The following LUZP1 variants were observed in gnomAD, a reference collection of about 807,000 sequenced individuals.
LUZP1 encodes filamin mechanobinding actin cross-linking protein.
In LUZP1, 25 loss-of-function variants were observed where a neutral mutation model predicts 71.3. The observed-to-expected ratio is 0.35, with a 90% CI of 0.26 to 0.49. LUZP1 has a LOEUF of 0.49. LUZP1 is among the 20% of genes least tolerant of loss of function. The pLI, the probability that LUZP1 is intolerant of heterozygous loss-of-function variation, is 0.99. For synonymous variants in LUZP1, 481 were observed against 506.4 expected (o/e 0.95, Z 0.67); for missense variants, 1,142 against 1,300.8 (o/e 0.88, Z 1.88).
chr1:23,129,904 A>C (rs1029037586), intron 2 of LUZP1, among the ~76,000 whole-genome samples: 1 of 152,220 alleles, frequency 6.6e-6, no homozygotes, highest in Admixed American at 6.5e-5. Flanking sequence ...CTTAGCAGAC[A>C]ATATTATAAA....
chr1:23,132,587 A>G (rs1644223635), intron 2 of LUZP1, among the ~76,000 whole-genome samples: 1 of 152,094 alleles, frequency 6.6e-6, no homozygotes, highest in African/African-American at 2.4e-5. Flanking sequence ...ATAAAGAAAA[A>G]CAATTTTTTA....
chr1:23,084,252 CAG>C (rs1643722941), exon 5 of LUZP1: 2 of 152,180 alleles, frequency 1.3e-5, no homozygotes, highest in South Asian at 4.1e-4. Flanking sequence ...AATGGGTACA[CAG>C]GGCTGCATTC....
chr1:23,156,854 T>C (rs1644424190), intron 2 of LUZP1, among the ~76,000 whole-genome samples: 1 of 152,200 alleles, frequency 6.6e-6, no homozygotes, highest in African/African-American at 2.4e-5. Flanking sequence ...AACATTTCAT[T>C]TGTGGCCAAA....
intron 2 of LUZP1, among the ~76,000 whole-genome samples, chr1:23,124,014 CA>C (rs1481519904): frequency 6.6e-6 from 1 of 151,732 alleles, no homozygotes; most frequent in Non-Finnish European, 1.5e-5. Context: ...AAAAAGAAAA[CA>C]AAAATTGGCT....
chr1:23,124,541 AT>A (rs1234141465), intron 2 of LUZP1, among the ~76,000 whole-genome samples: 6 of 152,178 alleles, frequency 3.9e-5, no homozygotes, highest in Non-Finnish European at 8.8e-5. Flanking sequence ...ATATGCCTTA[AT>A]TTCAAGAGTT....
intron 1 of LUZP1, among the ~76,000 whole-genome samples, chr1:23,173,021 C>T (rs1476312888): frequency 1.3e-5 from 2 of 151,544 alleles, no homozygotes; most frequent in Admixed American, 6.6e-5. Flanking sequence ...CGGGGTTTCA[C>T]CATGTTGGTC....
intron 2 of LUZP1, among the ~76,000 whole-genome samples, chr1:23,112,350 A>G (rs1484209786): frequency 1.3e-5 from 2 of 152,136 alleles, no homozygotes; most frequent in Non-Finnish European, 2.9e-5. Flanking sequence ...TGGTGGTGAT[A>G]GTGGTGGTAG....
chr1:23,144,450 A>G (rs1273380769), intron 2 of LUZP1, among the ~76,000 whole-genome samples: 2 of 152,246 alleles, frequency 1.3e-5, no homozygotes, highest in Admixed American at 1.3e-4. Flanking sequence ...GTGGGATTCT[A>G]TTAAATCCAT....
chr1:23,111,344 AG>A (rs756268070), intron 2 of LUZP1, among the ~76,000 whole-genome samples: 3 of 151,766 alleles, frequency 2.0e-5, no homozygotes, highest in Admixed American at 6.6e-5. Context: ...TGAACCCAGG[AG>A]TTCAAGAACA....
In LUZP1 at chr1:23,160,508, T is replaced by C. The variant is rs1382609502; in HGVS notation, c.-226+8258A>G. On this transcript the variant is annotated intron_variant, in intron 2 of 4. Transcript: ENST00000302291. ...CTTTGTGGCATTAGGACTGGACTCC[T>C]GTACTTTCACACCCTAATAGTCTCT... Among the ~76,000 whole-genome samples the C allele has an allele frequency of 3.3e-5, 5 of 152,360 alleles. No individual in the cohort carries two copies. The East Asian group carries it at 9.6e-4, about 29-fold the overall frequency.
At chr1:23,100,777 T>C (rs1027243480) in intron 3 of LUZP1, among the ~76,000 whole-genome samples, 1 of 152,244 alleles carries the variant, frequency 6.6e-6, no homozygotes, top group Admixed American at 6.5e-5. Context: ...AACTGATTTT[T>C]AGCTTCTTAC....
intron 2 of LUZP1, among the ~76,000 whole-genome samples, chr1:23,110,705 G>C (rs1319358775): frequency 5.9e-5 from 9 of 151,848 alleles, no homozygotes; most frequent in Non-Finnish European, 1.2e-4. Context: ...AAGGCGGCTA[G>C]AATTACAATG....
chr1:23,151,803 A>C (rs1308818813), intron 2 of LUZP1, among the ~76,000 whole-genome samples: 1 of 152,074 alleles, frequency 6.6e-6, no homozygotes, highest in Non-Finnish European at 1.5e-5. Context: ...GGAGTTCAAG[A>C]CCAGCCTGGC....
intron 2 of LUZP1, among the ~76,000 whole-genome samples, chr1:23,150,210 T>TC (rs1433661244): frequency 1.3e-5 from 2 of 151,894 alleles, no homozygotes; most frequent in Non-Finnish European, 2.9e-5. Context: ...ATCCTGGAAG[T>TC]CATCAGACAA....
chr1:23,094,230 G>T lies in LUZP1; in HGVS notation c.32C>A (p.Ala11Asp). 6.2e-7 allele frequency: 1 copy of T among 1,612,782 alleles called. No homozygotes were observed. Among genetic ancestry groups the T allele is most frequent in the Non-Finnish European group, 8.5e-7 (1 of 1,179,522 alleles). Residue 11 changes from alanine (A) to aspartate (D), a missense_variant, in exon 4 of 5, where the codon GCC becomes GAC. Transcript: ENST00000302291. This position sits in a 1 kb window ranked among gnomAD's most constrained non-coding sequence, Gnocchi z 4.7. The stretch of plus-strand genomic sequence containing the variant: ...CTTAAACCGCAAGTGGCGGCTGGAG[G>T]CCGTCTCCTTGTAGCTTGTAAATTC...
intron 2 of LUZP1, among the ~76,000 whole-genome samples, chr1:23,168,170 C>T (rs1198061702): frequency 6.9e-6 from 1 of 144,404 alleles, no homozygotes; most frequent in Non-Finnish European, 1.5e-5. Context: ...CGGCCCGCGG[C>T]CCGCGCCCCG....
At chr1:23,176,015 A>T (rs1164314614) in intron 1 of LUZP1, among the ~76,000 whole-genome samples, 3 of 149,300 alleles carry the variant, frequency 2.0e-5, no homozygotes, top group African/African-American at 7.5e-5. Flanking sequence ...ACTAGAAAAC[A>T]CTGTCTCTTA....
chr1:23,138,733 T>C (rs989937820), intron 2 of LUZP1, among the ~76,000 whole-genome samples: 4 of 148,232 alleles, frequency 2.7e-5, no homozygotes, highest in Non-Finnish European at 5.9e-5. Flanking sequence ...CCAGGCACAG[T>C]GGCTCACGCC....
intron 2 of LUZP1, among the ~76,000 whole-genome samples, chr1:23,154,891 T>C (rs1305933304): frequency 6.6e-6 from 1 of 152,066 alleles, no homozygotes; most frequent in Non-Finnish European, 1.5e-5. Flanking sequence ...TAATTCTCCC[T>C]GCTCCATTAA....
Sources: gnomAD v4.1 joint callset for allele counts (sites outside exome capture counted in the v4.1 genomes callset) on GRCh38, gnomAD v4.1.1 for gene constraint, Gnocchi (gnomAD v3.1) non-coding constraint, MANE v1.5 for transcripts, NCBI Gene and HGNC (gene_info 2026-07-23, HGNC 2026-07-21) for gene names.